CCDC169: variants seen among roughly 807,000 people sequenced by gnomAD.
The protein encoded by CCDC169 is coiled-coil domain-containing protein 169.
A neutral mutation model predicts 36.0 loss-of-function variants in CCDC169; 30 were observed. That is an observed-to-expected ratio of 0.83 (90% CI 0.62 to 1.13). CCDC169 has a LOEUF of 1.13. CCDC169 is among the 50% of genes most tolerant of loss of function. The pLI is 0.00. For missense variants in CCDC169, 245 were observed against 245.9 expected (o/e 1.00, Z 0.03); for synonymous variants, 85 against 81.5 (o/e 1.04, Z -0.23).
chr13:36,231,853 C>A (rs9546796), intron 7 of CCDC169, among the ~76,000 whole-genome samples: 61,509 of 151,842 alleles, frequency 0.41, 13,215 homozygotes, highest in Non-Finnish European at 0.48. Context: ...GTTTTCTTGT[C>A]TCTTCTCATA....
At chr13:36,296,623 C>T (rs547273860) in intron 1 of CCDC169, among the ~76,000 whole-genome samples, 23 of 152,258 alleles carry the variant, frequency 1.5e-4, no homozygotes, top group African/African-American at 5.1e-4. Flanking sequence ...GCCATTTATT[C>T]AATAAATATT....
chr13:36,287,839 T>A (rs2138631667), intron 2 of CCDC169, among the ~76,000 whole-genome samples: 1 of 152,116 alleles, frequency 6.6e-6, no homozygotes, highest in South Asian at 2.1e-4. Context: ...AACAGAATAA[T>A]CTTTGTGTAT....
At chr13:36,296,096 T>G (rs1879448314) in intron 1 of CCDC169, among the ~76,000 whole-genome samples, 1 of 152,180 alleles carries the variant, frequency 6.6e-6, no homozygotes, top group Admixed American at 6.5e-5. Flanking sequence ...TTATTTATTT[T>G]TATTTATTTT....
At chr13:36,229,565 T>C (rs1870200045), downstream of CCDC169, among the ~76,000 whole-genome samples, 1 of 129,182 alleles carries the variant, frequency 7.7e-6, no homozygotes, top group African/African-American at 3.1e-5. Flanking sequence ...TGAGACAGAG[T>C]CTTGCTCTGT....
At chr13:36,236,019 A>C (rs998114281) in intron 7 of CCDC169, among the ~76,000 whole-genome samples, 2 of 152,030 alleles carry the variant, frequency 1.3e-5, no homozygotes, top group Admixed American at 6.5e-5. Context: ...AAATGAATAG[A>C]AAGAAATTCA....
chr13:36,231,338 T>C (rs1593983792), intron 7 of CCDC169, 46 bp from the exon 8 acceptor site: 2 of 1,531,770 alleles, frequency 1.3e-6, no homozygotes, highest in Non-Finnish European at 1.8e-6. Flanking sequence ...CACCATTATG[T>C]ACAACAAAAA....
intron 7 of CCDC169, among the ~76,000 whole-genome samples, chr13:36,234,159 A>G (rs2138389110): frequency 6.6e-6 from 1 of 152,286 alleles, no homozygotes; most frequent in Admixed American, 6.5e-5. Flanking sequence ...ATGGTATATA[A>G]GTTTCTATAA....
intron 4 of CCDC169, among the ~76,000 whole-genome samples, chr13:36,258,450 G>C (rs914875571): frequency 6.6e-6 from 1 of 152,160 alleles, no homozygotes; most frequent in African/African-American, 2.4e-5. Flanking sequence ...TCAATAAAAG[G>C]ATGCAGTAAA....
At chr13:36,240,509 G>T in intron 7 of CCDC169, 1 of 644,148 alleles carries the variant, frequency 1.6e-6, no homozygotes, top group Non-Finnish European at 2.2e-6. Flanking sequence ...TATCTCTACT[G>T]TAGCTGCTTT....
chr13:36,276,027 T>C (rs981850194), intron 4 of CCDC169, among the ~76,000 whole-genome samples: 3 of 152,200 alleles, frequency 2.0e-5, no homozygotes, highest in Admixed American at 2.0e-4. Context: ...CATCTCTTTC[T>C]TCAGGCTTCT....
intron 2 of CCDC169, among the ~76,000 whole-genome samples, chr13:36,294,793 T>C (rs868792066): frequency 3.3e-5 from 5 of 152,094 alleles, no homozygotes; most frequent in Admixed American, 3.3e-4. Flanking sequence ...GGGGGCTCCA[T>C]GCACCAGTAA....
chr13:36,280,163 TAG>T (rs1312931352), intron 4 of CCDC169: 1 of 152,120 alleles, frequency 6.6e-6, no homozygotes, highest in Non-Finnish European at 1.5e-5. Context: ...ATACAACATG[TAG>T]AGAGATATTA....
In CCDC169 at chr13:36,268,651, A is replaced by AG. The variant is rs201898292; in HGVS notation, c.316-14509_316-14508insC. ...GTAGAACTAAATGAAATTCAAACAA[A>AG]AAAACCCCAAAAGATCAATGATACA... On this transcript the variant is annotated intron_variant, in intron 4 of 7. Coordinates refer to ENST00000239859, the MANE Select transcript of CCDC169 (RefSeq NM_001144981.3). 4.1e-3 allele frequency among the ~76,000 whole-genome samples: 621 copies of AG among 152,216 alleles called. 7 individuals carry two copies. Among genetic ancestry groups the AG allele is most frequent in the African/African-American group, 0.014 (589 of 41,542 alleles).
chr13:36,285,622 C>CTAGATAGATAGATAGATAG (rs1555254475), intron 2 of CCDC169, among the ~76,000 whole-genome samples: 22 of 19,252 alleles, frequency 1.1e-3, no homozygotes, highest in Non-Finnish European at 2.6e-3. Context: ...TAGATAGATA[C>CTAGATAGATAGATAGATAG]ATAGATACAT....
chr13:36,280,427 A>G (rs1042882380), intron 4 of CCDC169: 1 of 152,224 alleles, frequency 6.6e-6, no homozygotes, highest in South Asian at 2.1e-4. Context: ...ACCCAGTTAT[A>G]GGGAAAAGTA....
At chr13:36,271,645 A>T (rs1168868011) in intron 4 of CCDC169, among the ~76,000 whole-genome samples, 1 of 152,210 alleles carries the variant, frequency 6.6e-6, no homozygotes, top group Non-Finnish European at 1.5e-5. Context: ...TTCTAAGTGA[A>T]GTAACACAGG....
At chr13:36,285,603 A>ATAGATAGATAGATAGATAGATAGC (rs1276014417) in intron 2 of CCDC169, among the ~76,000 whole-genome samples, 3,693 of 148,156 alleles carry the variant, frequency 0.025, 67 homozygotes, top group Middle Eastern at 0.051. Flanking sequence ...AGATAGATAG[A>ATAGATAGATAGATAGATAGATAGC]TAGATAGATA....
chr13:36,288,268 C>A (rs1006215083), intron 2 of CCDC169, among the ~76,000 whole-genome samples: 1 of 152,166 alleles, frequency 6.6e-6, no homozygotes, highest in African/African-American at 2.4e-5. Context: ...CCCGCCGCAG[C>A]CTCCCAAAGT....
downstream of CCDC169, among the ~76,000 whole-genome samples, chr13:36,229,218 C>A (rs1338951956): frequency 6.6e-6 from 1 of 152,060 alleles, no homozygotes; most frequent in Non-Finnish European, 1.5e-5. Context: ...AGTTATTTAC[C>A]AAAGTCAGAA....
Sources: gnomAD v4.1 joint callset for allele counts (sites outside exome capture counted in the v4.1 genomes callset) on GRCh38, gnomAD v4.1.1 for gene constraint, MANE v1.5 for transcripts, NCBI Gene and HGNC (gene_info 2026-07-23, HGNC 2026-07-21) for gene names.